The following UNC13C variants were observed in gnomAD, a reference collection of about 807,000 sequenced individuals.
The protein encoded by UNC13C is unc-13 homolog C.
Under a neutral mutation model 245.4 loss-of-function variants are expected in UNC13C, and 174 were observed. The observed-to-expected ratio is 0.71, with a 90% CI of 0.63 to 0.80. UNC13C has a LOEUF of 0.80. Among genes scored for constraint, UNC13C ranks in the 30% least tolerant of loss-of-function variants. The pLI is 0.00. For synonymous variants in UNC13C, 992 were observed against 895.1 expected, an observed-to-expected ratio of 1.11 and a Z score of -1.93; for missense variants, 2,829 against 2,602.9, an observed-to-expected ratio of 1.09 and a Z score of -1.89.
intron 4 of UNC13C, among the ~76,000 whole-genome samples, chr15:54,217,336 CCAACCAAGGAT>C (rs949511535): frequency 6.6e-6 from 1 of 151,772 alleles, no homozygotes; most frequent in African/African-American, 2.4e-5. Context: ...AGCTAAGGTG[CCAACCAAGGAT>C]CAGTAGAGGA....
intron 2 of UNC13C, among the ~76,000 whole-genome samples, chr15:54,065,938 A>G (rs1467965937): frequency 6.6e-6 from 1 of 152,186 alleles, no homozygotes; most frequent in South Asian, 2.1e-4. Context: ...CACAGTTTGA[A>G]TTTAATTATT....
intron 15 of UNC13C, among the ~76,000 whole-genome samples, 194 bp downstream of exon 15, chr15:54,332,305 CTGTGTGTGTGTG>C (rs34179914): frequency 6.9e-6 from 1 of 145,584 alleles, no homozygotes; most frequent in African/African-American, 2.6e-5. Context: ...CAACAATACT[CTGTGTGTGTGTG>C]TGTGTGTGTG....
the UNC13C span, among the ~76,000 whole-genome samples, chr15:53,852,467 G>A: frequency 1.3e-5 from 2 of 151,986 alleles, no homozygotes; most frequent in African/African-American, 2.4e-5. Flanking sequence ...TTCTCCCTAC[G>A]TATGTACAGA....
At chr15:54,552,441 TACA>T (rs1455419729) in intron 28 of UNC13C, among the ~76,000 whole-genome samples, 321 of 2,254 alleles carry the variant, frequency 0.14, 23 homozygotes, top group African/African-American at 0.42. Context: ...AATTATATAT[TACA>T]ATATATAATA....
At chr15:53,995,063 A>G (rs1397632512) in intron 1 of UNC13C, among the ~76,000 whole-genome samples, 1 of 152,174 alleles carries the variant, frequency 6.6e-6, no homozygotes. Flanking sequence ...TTGTATATAA[A>G]TATTCTATGA....
At chr15:54,183,909 T>C (rs1002698923) in intron 4 of UNC13C, among the ~76,000 whole-genome samples, 1 of 152,076 alleles carries the variant, frequency 6.6e-6, no homozygotes, top group African/African-American at 2.4e-5. Flanking sequence ...ACCAGACACA[T>C]TAGCTATGCC....
intron 19 of UNC13C, among the ~76,000 whole-genome samples, chr15:54,420,622 A>G (rs180699620): frequency 1.3e-5 from 2 of 152,020 alleles, no homozygotes; most frequent in African/African-American, 4.8e-5. Context: ...GCATATTCTT[A>G]TTTTAGGTCA....
At chr15:54,221,669 A>C (rs1344146685) in intron 4 of UNC13C, among the ~76,000 whole-genome samples, 7 of 151,924 alleles carry the variant, frequency 4.6e-5, no homozygotes, top group Non-Finnish European at 1.0e-4. Flanking sequence ...GCTAAAAAAA[A>C]TAAGATTAAT....
intron 4 of UNC13C, among the ~76,000 whole-genome samples, chr15:54,152,964 G>A (rs2141253217): frequency 6.6e-6 from 1 of 152,170 alleles, no homozygotes; most frequent in African/African-American, 2.4e-5. Context: ...ATTCCATGAA[G>A]GTAGATGACA....
At chr15:54,269,074 T>C (rs2140897652) in intron 10 of UNC13C, among the ~76,000 whole-genome samples, 1 of 146,702 alleles carries the variant, frequency 6.8e-6, no homozygotes, top group East Asian at 1.9e-4. Context: ...ATTATTATTA[T>C]ACTTTAAGTT....
intron 29 of UNC13C, among the ~76,000 whole-genome samples, chr15:54,566,873 G>C (rs1184797315): frequency 6.6e-6 from 1 of 152,062 alleles, no homozygotes; most frequent in Non-Finnish European, 1.5e-5. Flanking sequence ...ATTTCGTTCT[G>C]TGCTAATTAT....
rs1456557771 is a variant in UNC13C, at chr15:54,321,987, C to T, written c.4317C>T (p.Ala1439=). The change falls in exon 14 of 33, where the codon GCC becomes GCT. Residue 1439 remains alanine, a synonymous_variant. Transcript: ENST00000260323. ...AATACATGTGCCCCGGTGTCCCTGCCGTCATGAGCACCTTGCTGGCTAATA... is the reference window on the plus strand; with the variant it reads ...AATACATGTGCCCCGGTGTCCCTGCTGTCATGAGCACCTTGCTGGCTAATA... ...SSKYMCPGVP[A]VMSTLLANIN... 17 of 1,587,904 alleles carry T rather than the reference C, an allele frequency of 1.1e-5. No homozygotes were observed. Among genetic ancestry groups the T allele is most frequent in the South Asian group, 4.6e-5 (4 of 87,248 alleles).
intron 2 of UNC13C, among the ~76,000 whole-genome samples, chr15:54,133,080 G>T (rs185575556): frequency 1.1e-4 from 16 of 152,138 alleles, no homozygotes; most frequent in East Asian, 1.9e-4. Flanking sequence ...TTTATTTTTC[G>T]TGGTAACTGG....
At chr15:53,976,863 G>A (rs1383046924), upstream of UNC13C, 2 of 152,146 alleles carry the variant, frequency 1.3e-5, no homozygotes, top group Admixed American at 1.3e-4. Context: ...TCAGTGAATA[G>A]GTGTTCTTTT....
In UNC13C at chr15:54,257,705, C is replaced by G. The variant is rs2036314862; in HGVS notation, c.3449-6463C>G. Among the ~76,000 whole-genome samples, 4 of 152,226 alleles carry G rather than the reference C, an allele frequency of 2.6e-5. No homozygotes were observed. In the South Asian group the frequency reaches 8.3e-4, roughly 32 times the overall value. On this transcript the variant is annotated intron_variant, in intron 8 of 32. Transcript: ENST00000260323. ...TGTTAGATCTGTGATCCTCCAATTA[C>G]CTACTGTTAAATGTCAGTCCTTTGT...
intron 4 of UNC13C, among the ~76,000 whole-genome samples, chr15:54,184,564 A>C (rs1051715761): frequency 1.1e-4 from 16 of 152,252 alleles, no homozygotes; most frequent in African/African-American, 3.9e-4. Context: ...GATGGTTTCC[A>C]GCTTCATCCA....
At chr15:54,111,564 G>C (rs1407775037) in intron 2 of UNC13C, among the ~76,000 whole-genome samples, 2 of 152,174 alleles carry the variant, frequency 1.3e-5, no homozygotes, top group Non-Finnish European at 2.9e-5. Flanking sequence ...AAAACAGTTT[G>C]AAAATCGATG....
chr15:54,420,163 T>C (rs1339860986), intron 19 of UNC13C, among the ~76,000 whole-genome samples: 2 of 152,112 alleles, frequency 1.3e-5, no homozygotes, highest in Admixed American at 6.6e-5. Flanking sequence ...TTACCTATTA[T>C]GATATAATGA....
intron 4 of UNC13C, among the ~76,000 whole-genome samples, chr15:54,169,928 T>C (rs1023496457): frequency 6.6e-6 from 1 of 152,112 alleles, no homozygotes; most frequent in African/African-American, 2.4e-5. Flanking sequence ...GATAATGCAT[T>C]TGATATCTAT....
Sources: allele counts gnomAD v4.1 joint callset (sites outside exome capture counted in the v4.1 genomes callset), GRCh38; gene constraint gnomAD v4.1.1; transcripts MANE v1.5; gene names NCBI Gene and HGNC (gene_info 2026-07-23, HGNC 2026-07-21).